Variants in SLITRK2 observed in about 807,000 individuals in gnomAD.
The protein encoded by SLITRK2 is SLIT and NTRK-like protein 2.
In SLITRK2, 13 loss-of-function variants were observed where a neutral mutation model predicts 35.4. The ratio of observed to expected loss-of-function variants is 0.37; its 90% confidence interval spans 0.24 to 0.58. SLITRK2 has a LOEUF of 0.58. Among genes scored for constraint, SLITRK2 ranks in the 20% least tolerant of loss-of-function variants. The pLI, the probability that SLITRK2 is intolerant of heterozygous loss-of-function variation, is 0.75. For missense variants in SLITRK2, 471 were observed against 634.3 expected, an observed-to-expected ratio of 0.74 and a Z score of 2.76; for synonymous variants, 294 against 264.7, an observed-to-expected ratio of 1.11 and a Z score of -1.07.
Position 145,828,001 on chromosome X carries a change from G to T in SLITRK2, c.*3038G>T. 8.6e-7 allele frequency: 1 copy of T among 1,164,919 alleles called. No individual in the cohort carries two copies. The highest frequency in any genetic ancestry group is 1.1e-6 in the Non-Finnish European group (1 of 874,763). On this transcript the variant is annotated 3_prime_UTR_variant, in exon 5 of 5. Transcript: ENST00000335565. ...TGCCAAGAACATATCTGTATGTCTG[G>T]CCCTACAAATGACAAATGGTAATTC...
chrX:145,824,753 T>C lies in SLITRK2; in HGVS notation c.2328T>C (p.Phe776=), dbSNP rs781998063. 18 of 1,211,323 alleles carry C rather than the reference T, an allele frequency of 1.5e-5. No individual in the cohort carries two copies. In the Admixed American group the frequency reaches 3.9e-4, roughly 26 times the overall value. ...LPSAGLVHYN[F]CTLPKRQFAP... is the part of the protein sequence containing the mutation. ...GCGCAGGCCTAGTCCACTATAACTT[T>C]TGTACCTTACCTAAAAGGCAGTTTG... The change falls in exon 5 of 5, where the codon TTT becomes TTC. Residue 776 remains phenylalanine (F), a synonymous_variant. Coordinates refer to ENST00000335565, the MANE Select transcript of SLITRK2 (RefSeq NM_032539.5).
Position 145,828,162 on chromosome X carries a change from A to G in SLITRK2, c.*3199A>G, listed in dbSNP as rs1294359324. 6.2e-6 allele frequency: 3 copies of G among 486,063 alleles called. No individual in the cohort carries two copies. Among genetic ancestry groups the G allele is most frequent in the Non-Finnish European group, 6.5e-6 (2 of 305,763 alleles). 40.1% of individuals were successfully genotyped at this position (486,063 alleles called of 1,213,427 possible). A position where few individuals can be genotyped will look rare whatever the true frequency, so the allele number is the denominator to read the frequency against. ...TAAGAGCCTAATTTGGTTCTGGACTATGGTCAACCTGTGTGCCTTGTTAGT... is the reference window on the plus strand; with the variant it reads ...TAAGAGCCTAATTTGGTTCTGGACTGTGGTCAACCTGTGTGCCTTGTTAGT... On this transcript the variant is annotated 3_prime_UTR_variant, in exon 5 of 5. Coordinates refer to ENST00000335565, the MANE Select transcript of SLITRK2 (RefSeq NM_032539.5).
chrX:145,827,863 C>T lies in SLITRK2; in HGVS notation c.*2900C>T, dbSNP rs1569507652. The T allele has an allele frequency of 8.3e-7, 1 of 1,211,221 alleles. No individual in the cohort carries two copies. The highest frequency in any genetic ancestry group is 1.1e-6 in the Non-Finnish European group (1 of 895,307). ...TTTATTTTAGGATTTTTATTTTTAT[C>T]TTCCACAGCTGGATATTGCTATTTC... On this transcript the variant is annotated 3_prime_UTR_variant, in exon 5 of 5. Transcript: ENST00000335565.
In SLITRK2 at chrX:145,824,644, C is replaced by T. The variant is rs202198664; in HGVS notation, c.2219C>T (p.Thr740Ile). ...ACACCTGCTTACACAATAAGTGCCA[C>T]TGAGCTGCTAGAAAAGCAGGCCACA... Reference protein sequence around the residue: ...PATPAYTISATELLEKQATPR... With the variant: ...PATPAYTISAIELLEKQATPR... The change falls in exon 5 of 5, where the codon ACT (threonine) becomes ATT (isoleucine). Residue 740 changes from threonine to isoleucine, a missense_variant. This residue lies in a region of SLITRK2 where 190 missense variants were observed against 199.3 expected (regional missense o/e 0.95). Coordinates refer to ENST00000335565, the MANE Select transcript of SLITRK2 (RefSeq NM_032539.5). 2.3e-4 allele frequency: 277 copies of T among 1,209,364 alleles called. No individual in the cohort carries two copies. The highest frequency in any genetic ancestry group is 2.9e-4 in the Non-Finnish European group (261 of 895,199).
At chrX:145,819,588 G>C (rs1340331314) in intron 1 of SLITRK2, 1 of 112,217 alleles carries the variant, frequency 8.9e-6, no homozygotes, top group Non-Finnish European at 1.9e-5. Flanking sequence ...ATTGCTCTAG[G>C]AACTATGTGC....
intron 1 of SLITRK2, 138 bp downstream of exon 1, chrX:145,818,164 C>T (rs1389341266): frequency 8.9e-6 from 1 of 112,861 alleles, no homozygotes; most frequent in African/African-American, 3.2e-5. Flanking sequence ...CGGAGGGCAG[C>T]TCGCTGGCGG....
In SLITRK2 at chrX:145,827,288, A is replaced by C. The variant is rs2073135092; in HGVS notation, c.*2325A>C. 8.7e-6 allele frequency: 1 copy of C among 114,646 alleles called. No homozygotes were observed. The highest frequency in any genetic ancestry group is 3.2e-5 in the African/African-American group (1 of 30,855). 9.4% of individuals were successfully genotyped at this position (114,646 alleles called of 1,213,427 possible). A position where few individuals can be genotyped will look rare whatever the true frequency, so the allele number is the denominator to read the frequency against. On this transcript the variant is annotated 3_prime_UTR_variant, in exon 5 of 5. Coordinates refer to ENST00000335565, the MANE Select transcript of SLITRK2 (RefSeq NM_032539.5). Reference sequence around the variant, plus strand: ...TTTTCTGACTGCTCTCATTTGATGCAATGATAAATACAGAATACAGAGGTA... The same window carrying C: ...TTTTCTGACTGCTCTCATTTGATGCCATGATAAATACAGAATACAGAGGTA...
chrX:145,822,129 T>C lies in SLITRK2; in HGVS notation c.-68T>C. ...ACTCGGTTACTAATGACTTGGCGGCTGGCTGCGACCCCCCGGGAAATCAGG... is the reference window on the plus strand; with the variant it reads ...ACTCGGTTACTAATGACTTGGCGGCCGGCTGCGACCCCCCGGGAAATCAGG... On this transcript the variant is annotated 5_prime_UTR_variant, in exon 4 of 5. Transcript: ENST00000335565. 3.4e-6 allele frequency: 1 copy of C among 295,090 alleles called. No homozygotes were observed. The highest frequency in any genetic ancestry group is 5.9e-6 in the Non-Finnish European group (1 of 170,247). The allele number at this position is 295,090 out of a possible 1,213,427, so 24.3% of individuals were successfully genotyped here. A position where few individuals can be genotyped will look rare whatever the true frequency, so the allele number is the denominator to read the frequency against.
In SLITRK2 at chrX:145,822,524, T is replaced by C; in HGVS notation, c.99T>C (p.Cys33=). 1 of 1,211,538 alleles carries C rather than the reference T, an allele frequency of 8.3e-7. No individual in the cohort carries two copies. Among genetic ancestry groups the C allele is most frequent in the Non-Finnish European group, 1.1e-6 (1 of 895,466 alleles). The change falls in exon 5 of 5, where the codon TGT becomes TGC. Residue 33 remains cysteine, a synonymous_variant. Transcript: ENST00000335565. The part of the protein sequence containing the change: ...KTAKDICKIR[C]LCEEKENVLN... Reference sequence around the variant, plus strand: ...CCAAAGACATTTGCAAGATCCGCTGTCTGTGCGAAGAAAAGGAAAACGTAC... The same window carrying C: ...CCAAAGACATTTGCAAGATCCGCTGCCTGTGCGAAGAAAAGGAAAACGTAC...
At position 145,824,580 on chromosome X, in the gene SLITRK2, A is replaced by G. The variant is rs782064307; in HGVS notation, c.2155A>G (p.Ser719Gly). The change falls in exon 5 of 5, where the codon AGC becomes GGC. Residue 719 changes from serine (S) to glycine (G), a missense_variant. Physicochemically the swap from Ser to Gly is moderately conservative, Grantham distance 56. Coordinates refer to ENST00000335565, the MANE Select transcript of SLITRK2 (RefSeq NM_032539.5). ...VAYYRNLQEFSYSNLEEKKEE... is the reference protein window; with the variant it reads ...VAYYRNLQEFGYSNLEEKKEE... ...CTATTACCGAAACCTGCAAGAGTTC[A>G]GCTATAGCAACCTGGAGGAGAAAAA... 27 of 1,208,194 alleles carry G rather than the reference A, an allele frequency of 2.2e-5. No homozygotes were observed. The highest frequency in any genetic ancestry group is 2.8e-5 in the Non-Finnish European group (25 of 894,957).
At position 145,829,513 on chromosome X, in the gene SLITRK2, A is replaced by T. The variant is rs1406329284; in HGVS notation, c.*4550A>T. 1.6e-5 allele frequency: 2 copies of T among 123,102 alleles called. No homozygotes were observed. Among genetic ancestry groups the T allele is most frequent in the Non-Finnish European group, 3.8e-5 (2 of 53,288 alleles). The allele number at this position is 123,102 out of a possible 1,213,427, so 10.1% of individuals were successfully genotyped here. A position where few individuals can be genotyped will look rare whatever the true frequency, so the allele number is the denominator to read the frequency against. Reference sequence around the variant, plus strand: ...TCATAGCACAGTAGCAGTCCTGAACAGTCTGAGCAGCCAACCCATTTCAAC... The same window carrying T: ...TCATAGCACAGTAGCAGTCCTGAACTGTCTGAGCAGCCAACCCATTTCAAC... On this transcript the variant is annotated 3_prime_UTR_variant, in exon 5 of 5. Coordinates refer to ENST00000335565, the MANE Select transcript of SLITRK2 (RefSeq NM_032539.5).
rs2124153337 is a variant in SLITRK2 at position 145,822,685 on chromosome X, A to G, written c.260A>G (p.Asn87Ser). The change falls in exon 5 of 5, where the codon AAC becomes AGC. Residue 87 changes from asparagine (N) to serine (S), a missense_variant. Asn to Ser is a conservative substitution (Grantham distance 46). This residue lies in a region of SLITRK2 where 98 missense variants were observed against 120.6 expected (regional missense o/e 0.81). Transcript: ENST00000335565. ...LYPNEFVNYS[N>S]AVTLHLGNNG... The stretch of plus-strand genomic sequence containing the variant: ...CCAAACGAATTTGTCAATTACTCCA[A>G]CGCGGTGACTCTTCACCTAGGTAAC... 1.7e-6 allele frequency: 2 copies of G among 1,211,576 alleles called. No individual in the cohort carries two copies. Among genetic ancestry groups the G allele is most frequent in the Non-Finnish European group, 1.1e-6 (1 of 895,476 alleles).
At position 145,827,080 on chromosome X, in the gene SLITRK2, G is replaced by A. The variant is rs181961024; in HGVS notation, c.*2117G>A. ...GATTAGAGGTGATAATTCCTATTTCGATCCATTAGAAGAAAGTTGAAAATG... is the reference window on the plus strand; with the variant it reads ...GATTAGAGGTGATAATTCCTATTTCAATCCATTAGAAGAAAGTTGAAAATG... On this transcript the variant is annotated 3_prime_UTR_variant, in exon 5 of 5. Transcript: ENST00000335565. 5 of 111,553 alleles carry A rather than the reference G, an allele frequency of 4.5e-5. No individual in the cohort carries two copies. In the East Asian group the frequency reaches 8.5e-4, roughly 19 times the overall value. 9.2% of individuals were successfully genotyped at this position (111,553 alleles called of 1,213,427 possible).
rs1238848378 is a variant in SLITRK2, at chrX:145,822,663, A to G, written c.238A>G (p.Asn80Asp). 5 of 1,210,038 alleles carry G rather than the reference A, an allele frequency of 4.1e-6. No homozygotes were observed. Among genetic ancestry groups the G allele is most frequent in the Non-Finnish European group, 5.6e-6 (5 of 895,292 alleles). Reference protein sequence around the residue: ...NGNLLTRLYPNEFVNYSNAVT... With the variant: ...NGNLLTRLYPDEFVNYSNAVT... Reference sequence around the variant, plus strand: ...AAACCTCTTGACAAGACTGTATCCAAACGAATTTGTCAATTACTCCAACGC... The same window carrying G: ...AAACCTCTTGACAAGACTGTATCCAGACGAATTTGTCAATTACTCCAACGC... The change falls in exon 5 of 5, where the codon AAC becomes GAC. Residue 80 changes from asparagine (N) to aspartate (D), a missense_variant. This residue lies in a region of SLITRK2 where 98 missense variants were observed against 120.6 expected (regional missense o/e 0.81). Transcript: ENST00000335565.
In SLITRK2 at chrX:145,822,743, C is replaced by T. The variant is rs2124155061; in HGVS notation, c.318C>T (p.Phe106=). 1 of 1,211,228 alleles carries T rather than the reference C, an allele frequency of 8.3e-7. No individual in the cohort carries two copies. Among genetic ancestry groups the T allele is most frequent in the Non-Finnish European group, 1.1e-6 (1 of 895,322 alleles). The part of the protein sequence containing the change: ...NGLQEIRTGA[F]SGLKTLKRLH... ...TACAGGAGATCCGAACGGGGGCATTCAGTGGCCTGAAAACTCTCAAAAGAC... is the reference window on the plus strand; with the variant it reads ...TACAGGAGATCCGAACGGGGGCATTTAGTGGCCTGAAAACTCTCAAAAGAC... The change falls in exon 5 of 5, where the codon TTC becomes TTT. Residue 106 remains phenylalanine, a synonymous_variant. Transcript: ENST00000335565.
Position 145,829,639 on chromosome X carries a change from C to T in SLITRK2, c.*4676C>T, listed in dbSNP as rs1354460455. On this transcript the variant is annotated 3_prime_UTR_variant, in exon 5 of 5. Transcript: ENST00000335565. ...CCATAAGCACATATTCCATAAAGTG[C>T]TCAGAGTCACAGGTTTTATAATAAA... 8.1e-6 allele frequency: 1 copy of T among 123,530 alleles called. No homozygotes were observed. The highest frequency in any genetic ancestry group is 2.8e-4 in the East Asian group (1 of 3,617). The allele number at this position is 123,530 out of a possible 1,213,427, so 10.2% of individuals were successfully genotyped here. A position where few individuals can be genotyped will look rare whatever the true frequency, so the allele number is the denominator to read the frequency against.
chrX:145,828,068 G>A lies in SLITRK2; in HGVS notation c.*3105G>A, dbSNP rs1186236754. On this transcript the variant is annotated 3_prime_UTR_variant, in exon 5 of 5. Transcript: ENST00000335565. ...TTAATTAGTTGCTTTCACTATTTCCGAATATACCTGTGGCTAAGTTTTTAT... is the reference window on the plus strand; with the variant it reads ...TTAATTAGTTGCTTTCACTATTTCCAAATATACCTGTGGCTAAGTTTTTAT... 7.9e-6 allele frequency: 8 copies of A among 1,013,051 alleles called. No individual in the cohort carries two copies. The East Asian group carries it at 1.3e-4, about 16-fold the overall frequency. The allele number at this position is 1,013,051 out of a possible 1,213,427, so 83.5% of individuals were successfully genotyped here. A position where few individuals can be genotyped will look rare whatever the true frequency, so the allele number is the denominator to read the frequency against.
chrX:145,824,062 A>G lies in SLITRK2; in HGVS notation c.1637A>G (p.His546Arg). ...ATGGGGCTGAAAGACTGGACAGAAC[A>G]TGCCAATTCCCCTGTCATCATTAAT... ...DIMGLKDWTE[H>R]ANSPVIINEV... is the part of the protein sequence containing the mutation. Residue 546 changes from histidine (H) to arginine (R), a missense_variant, in exon 5 of 5, where the codon CAT becomes CGT. Transcript: ENST00000335565. 1 of 1,210,749 alleles carries G rather than the reference A, an allele frequency of 8.3e-7. No homozygotes were observed. Among genetic ancestry groups the G allele is most frequent in the Non-Finnish European group, 1.1e-6 (1 of 894,968 alleles).
At chrX:145,819,868 C>T (rs1248329860) in intron 1 of SLITRK2, 7 of 111,646 alleles carry the variant, frequency 6.3e-5, no homozygotes, top group Admixed American at 5.7e-4. Flanking sequence ...ATGCCTGGTC[C>T]AAGGCTCTTA....
Sources: allele counts gnomAD v4.1 joint callset, GRCh38; gene constraint gnomAD v4.1.1; regional missense constraint gnomAD v4.1.1; transcripts MANE v1.5; gene names NCBI Gene and HGNC (gene_info 2026-07-23, HGNC 2026-07-21).